CHD5: variants seen among roughly 807,000 people sequenced by gnomAD.
CHD5 encodes ATP-dependent chromatin remodeler CHD5.
Under a neutral mutation model 230.3 loss-of-function variants are expected in CHD5, and 69 were observed. That is an observed-to-expected ratio of 0.30 (90% CI 0.25 to 0.37). The LOEUF is 0.37. CHD5 is among the 10% of genes least tolerant of loss of function. The pLI is 1.00. For synonymous variants in CHD5, 1,064 were observed against 1,065.9 expected (o/e 1.00, Z 0.03); for missense variants, 1,827 against 2,622.8 (o/e 0.70, Z 6.63).
intron 30 of CHD5, 64 bp downstream of exon 30, chr1:6,124,453 A>C: frequency 6.3e-7 from 1 of 1,577,228 alleles, no homozygotes; most frequent in South Asian, 1.1e-5. Flanking sequence ...ACTGACCCAC[A>C]AGGGACAGCA....
rs143911920 is a variant in CHD5 at position 6,105,751 on chromosome 1, C to G, written c.*47-324G>C. On this transcript the variant is annotated intron_variant, in intron 41 of 41. Transcript: ENST00000262450. This position sits in a 1 kb window ranked among gnomAD's most constrained non-coding sequence, Gnocchi z 4.8. Reference sequence around the variant, plus strand: ...CCCAGAGAAGACCAGAATGAACTGGCAGTTTCTCTGAAATAAGCCCCCTCT... The same window carrying G: ...CCCAGAGAAGACCAGAATGAACTGGGAGTTTCTCTGAAATAAGCCCCCTCT... Among the ~76,000 whole-genome samples the G allele has an allele frequency of 4.4e-3, 676 of 152,326 alleles. 8 individuals are homozygous for G. The highest frequency in any genetic ancestry group is 0.016 in the African/African-American group (651 of 41,562).
At position 6,134,253 on chromosome 1, in the gene CHD5, G is replaced by C; in HGVS notation, c.3019C>G (p.Pro1007Ala). 1 of 1,612,998 alleles carries C rather than the reference G, an allele frequency of 6.2e-7. No individual in the cohort carries two copies. Among genetic ancestry groups the C allele is most frequent in the Non-Finnish European group, 8.5e-7 (1 of 1,179,952 alleles). Residue 1007 changes from proline to alanine, a missense_variant, in exon 20 of 42, where the codon CCT (proline) becomes GCT (alanine). By Grantham distance (27) the Pro-to-Ala change is conservative. Transcript: ENST00000262450. This position sits in a 1 kb window ranked among gnomAD's most constrained non-coding sequence, Gnocchi z 6.3. ...TCGTAGGAGCCATTGGGCAAGACAG[G>C]GGCCTCCTGCAGACACAGCAGGAGG... ...YLFPVAAVEA[P>A]VLPNGSYDGS... is the part of the protein sequence containing the mutation.
At position 6,128,112 on chromosome 1, in the gene CHD5, C is replaced by T. The variant is rs1294300907; in HGVS notation, c.3837G>A (p.Gln1279=). ...AGGAGCTCAGGTACTCGTTCATGTT[C>T]TGTAGCTCCGTGTCATCTGTAGCGT... ...NQDATDDTEL[Q]NMNEYLSSFK... Residue 1279 remains glutamine (Q), a synonymous_variant, in exon 25 of 42, where the codon CAG becomes CAA. Coordinates refer to ENST00000262450, the MANE Select transcript of CHD5 (RefSeq NM_015557.3). This position sits in a 1 kb window ranked among gnomAD's most constrained non-coding sequence, Gnocchi z 7.8. The T allele has an allele frequency of 4.3e-6, 7 of 1,613,930 alleles. No individual in the cohort carries two copies. The highest frequency in any genetic ancestry group is 4.2e-6 in the Non-Finnish European group (5 of 1,179,998).
Position 6,142,656 on chromosome 1 carries a change from G to GA in CHD5, c.2044-52_2044-51insT, listed in dbSNP as rs1666846883. The GA allele has an allele frequency of 1.3e-6, 2 of 1,546,788 alleles. No individual in the cohort carries two copies. The highest frequency in any genetic ancestry group is 2.5e-5 in the South Asian group (2 of 80,990). On this transcript the variant is annotated intron_variant, in intron 13 of 41. Transcript: ENST00000262450. This position sits in a 1 kb window ranked among gnomAD's most constrained non-coding sequence, Gnocchi z 5.2. ...ACGCCCCAGATCCTGGGCCACCAGA[G>GA]TCCACACTACAGGCCTTTGCACATG... is the stretch of plus-strand genomic sequence containing the variant.
chr1:6,139,228 TTTGTTGTTG>T (rs539641102), intron 15 of CHD5, among the ~76,000 whole-genome samples: 4 of 146,206 alleles, frequency 2.7e-5, no homozygotes, highest in South Asian at 2.2e-4. Context: ...CTGTTGTTGT[TTTGTTGTTG>T]TTGTTGTTGT....
At position 6,136,613 on chromosome 1, in the gene CHD5, T is replaced by C. The variant is rs1666750069; in HGVS notation, c.2600A>G (p.Lys867Arg). The C allele has an allele frequency of 1.9e-6, 3 of 1,614,122 alleles. No individual in the cohort carries two copies. Among genetic ancestry groups the C allele is most frequent in the Non-Finnish European group, 2.5e-6 (3 of 1,180,018 alleles). The change falls in exon 17 of 42, where the codon AAG (lysine) becomes AGG (arginine). Residue 867 changes from lysine (K) to arginine (R), a missense_variant. Lys to Arg is a conservative substitution (Grantham distance 26, BLOSUM62 2). Around this residue, in one of 14 missense-constraint regions of CHD5, gnomAD observed 52 missense variants for 164.5 expected, o/e 0.32. Coordinates refer to ENST00000262450, the MANE Select transcript of CHD5 (RefSeq NM_015557.3). ...TGTCAGCAGCAGCTTGTAATCAATC[T>C]TGTAGCTGTTTAAGACCCTAAAAAA... ...SKFFRVLNSY[K>R]IDYKLLLTGT...
At chr1:6,119,862 A>AT (rs1484112798) in intron 33 of CHD5, among the ~76,000 whole-genome samples, 44 of 127,062 alleles carry the variant, frequency 3.5e-4, no homozygotes, top group South Asian at 8.2e-4. Flanking sequence ...ATATATATAT[A>AT]TATTTTTTTT....
At chr1:6,116,937 G>A (rs949329349) in intron 33 of CHD5, among the ~76,000 whole-genome samples, 3 of 152,146 alleles carry the variant, frequency 2.0e-5, no homozygotes, top group Non-Finnish European at 4.4e-5. Flanking sequence ...AAAACAAACT[G>A]AAACTAAAAT....
At chr1:6,113,806 G>C (rs1666331665) in intron 33 of CHD5, among the ~76,000 whole-genome samples, 1 of 152,172 alleles carries the variant, frequency 6.6e-6, no homozygotes, top group Non-Finnish European at 1.5e-5. Flanking sequence ...GTGGGTGTGG[G>C]ATATGAACTG....
At position 6,149,012 on chromosome 1, in the gene CHD5, C is replaced by G. The variant is rs1666955180; in HGVS notation, c.1225G>C (p.Glu409Gln). 6.2e-7 allele frequency: 1 copy of G among 1,604,710 alleles called. No homozygotes were observed. Among genetic ancestry groups the G allele is most frequent in the Non-Finnish European group, 8.5e-7 (1 of 1,176,016 alleles). ...TCCATGTGGTCGTCCTCCTCCTCCT[C>G]GCAGCCGCCCTCCTCCTCTTCATCG... The part of the protein sequence containing the change: ...DDDEEEEGGC[E>Q]EEEDDHMEFC... Residue 409 changes from glutamate to glutamine, a missense_variant, in exon 9 of 42, where the codon GAG becomes CAG. By Grantham distance (29) the Glu-to-Gln change is conservative (BLOSUM62 2). Transcript: ENST00000262450.
In CHD5 at chr1:6,149,426, G is replaced by A. The variant is rs372358274; in HGVS notation, c.995-14C>T. On this transcript the variant is annotated splice_polypyrimidine_tract_variant and intron_variant, in intron 7 of 41. Transcript: ENST00000262450. ...CACCATCATCAACTAGGGTAGGGGA[G>A]AGGCAGTCATGGAAGTCCTCATCCA... 73 of 1,593,138 alleles carry A rather than the reference G, an allele frequency of 4.6e-5. No individual in the cohort carries two copies. The highest frequency in any genetic ancestry group is 6.0e-5 in the Non-Finnish European group (70 of 1,166,060).
At chr1:6,143,451 C>T (rs752091546) in intron 13 of CHD5, among the ~76,000 whole-genome samples, 32 of 152,132 alleles carry the variant, frequency 2.1e-4, no homozygotes, top group Admixed American at 3.9e-4. Context: ...CCAGGCCCTC[C>T]GTGTTCTGTG....
rs1484590118 is a variant in CHD5 at position 6,134,442 on chromosome 1, C to T, written c.3013-183G>A. Among the ~76,000 whole-genome samples, 2 of 152,196 alleles carry T rather than the reference C, an allele frequency of 1.3e-5. No individual in the cohort carries two copies. The highest frequency in any genetic ancestry group is 4.8e-5 in the African/African-American group (2 of 41,450). ...ACAGTGCGGGGTAGACCGTGGGTCC[C>T]ACGGCCCTGGCTCCAGGCCCCCCGT... On this transcript the variant is annotated intron_variant, in intron 19 of 41. Coordinates refer to ENST00000262450, the MANE Select transcript of CHD5 (RefSeq NM_015557.3). This position sits in a 1 kb window ranked among gnomAD's most constrained non-coding sequence, Gnocchi z 6.3.
intron 3 of CHD5, among the ~76,000 whole-genome samples, chr1:6,156,675 G>A (rs1379641193): frequency 6.6e-6 from 1 of 152,194 alleles, no homozygotes; most frequent in African/African-American, 2.4e-5. Context: ...ATGGGACAAT[G>A]GGCCAGCTGG....
At position 6,146,587 on chromosome 1, in the gene CHD5, C is replaced by T. The variant is rs571700769; in HGVS notation, c.1590+78G>A. On this transcript the variant is annotated intron_variant, in intron 10 of 41. Coordinates refer to ENST00000262450, the MANE Select transcript of CHD5 (RefSeq NM_015557.3). The surrounding 1 kb of genome is among the most constrained non-coding windows in gnomAD (Gnocchi z 5.1). ...CACCCCTCAGTCAGAGGCGCTTCAG[C>T]CCCTTCCCGCCAGCCCAGGAGGGTC... 9.3e-5 allele frequency: 139 copies of T among 1,501,008 alleles called. 4 individuals are homozygous for T. The South Asian group carries it at 1.6e-3, about 17-fold the overall frequency. The allele number at this position is 1,501,008 out of a possible 1,614,324, so 93.0% of individuals were successfully genotyped here.
intron 1 of CHD5, among the ~76,000 whole-genome samples, chr1:6,168,572 A>G (rs983902038): frequency 3.3e-5 from 5 of 152,236 alleles, no homozygotes; most frequent in African/African-American, 1.2e-4. Context: ...CTCCATGAAC[A>G]ACAAACAGAA....
chr1:6,132,187 C>T (rs1309246990), intron 20 of CHD5, among the ~76,000 whole-genome samples: 2 of 152,154 alleles, frequency 1.3e-5, no homozygotes, highest in East Asian at 1.9e-4. Flanking sequence ...TCACTCCTCC[C>T]CATAAGAAAA....
At position 6,146,528 on chromosome 1, in the gene CHD5, T is replaced by A; in HGVS notation, c.1591-105A>T. 7.1e-7 allele frequency: 1 copy of A among 1,399,754 alleles called. No individual in the cohort carries two copies. Among genetic ancestry groups the A allele is most frequent in the South Asian group, 1.2e-5 (1 of 83,122 alleles). The allele number at this position is 1,399,754 out of a possible 1,614,324, so 86.7% of individuals were successfully genotyped here. A position where few individuals can be genotyped will look rare whatever the true frequency, so the allele number is the denominator to read the frequency against. On this transcript the variant is annotated intron_variant, in intron 10 of 41. Transcript: ENST00000262450. The surrounding 1 kb of genome is among the most constrained non-coding windows in gnomAD (Gnocchi z 5.1). ...CCAGCCCAGGTCCCAGGCAGGACAA[T>A]CCTCCCGCTCAGCACCACCCCAACT...
chr1:6,128,035 G>T lies in CHD5; in HGVS notation c.3903+11C>A. ...CGGGGCTGCGGATGGAGGGCGGGCC[G>T]GGGACCTTACCACGCCGTCCTCCTC... On this transcript the variant is annotated intron_variant, in intron 25 of 41. Transcript: ENST00000262450. The surrounding 1 kb of genome is among the most constrained non-coding windows in gnomAD (Gnocchi z 7.8). The T allele has an allele frequency of 1.3e-6, 2 of 1,588,770 alleles. No individual in the cohort carries two copies. Among genetic ancestry groups the T allele is most frequent in the Non-Finnish European group, 1.7e-6 (2 of 1,167,832 alleles).
Sources: allele counts gnomAD v4.1 joint callset (sites outside exome capture counted in the v4.1 genomes callset), GRCh38; gene constraint gnomAD v4.1.1; regional missense constraint gnomAD v4.1.1; non-coding constraint Gnocchi (gnomAD v3.1); transcripts MANE v1.5; gene names NCBI Gene and HGNC (gene_info 2026-07-23, HGNC 2026-07-21).